CDH12: variants seen among roughly 807,000 people sequenced by gnomAD.
The protein encoded by CDH12 is cadherin 12.
Under a neutral mutation model 74.1 loss-of-function variants are expected in CDH12, and 41 were observed. The ratio of observed to expected loss-of-function variants is 0.55; its 90% CI spans 0.43 to 0.72. The LOEUF (loss-of-function observed/expected upper bound fraction) is 0.72. Ranked by LOEUF, CDH12 falls within the 30% of genes least tolerant of loss-of-function variation. The pLI is 0.00. For synonymous variants in CDH12, 399 were observed against 355.0 expected, an observed-to-expected ratio of 1.12 and a Z score of -1.39; for missense variants, 945 against 977.2, an observed-to-expected ratio of 0.97 and a Z score of 0.44.
intron 1 of CDH12, among the ~76,000 whole-genome samples, chr5:22,775,785 A>T (rs980289887): frequency 4.6e-5 from 7 of 152,044 alleles, no homozygotes; most frequent in Non-Finnish European, 8.8e-5. Context: ...ATATGGTTTG[A>T]CTGTGTCCCC....
intron 1 of CDH12, among the ~76,000 whole-genome samples, chr5:22,631,929 C>T (rs370427294): frequency 2.6e-5 from 4 of 152,028 alleles, no homozygotes; most frequent in East Asian, 3.9e-4. Context: ...GGATGTAACC[C>T]CACGATCCAA....
At chr5:22,200,373 G>C (rs1481937964) in intron 4 of CDH12, among the ~76,000 whole-genome samples, 2 of 152,126 alleles carry the variant, frequency 1.3e-5, no homozygotes, top group Non-Finnish European at 2.9e-5. Flanking sequence ...AAAGCTATAA[G>C]AGTGGTGCTT....
At chr5:22,165,313 C>T (rs999638099) in intron 4 of CDH12, among the ~76,000 whole-genome samples, 3 of 152,164 alleles carry the variant, frequency 2.0e-5, no homozygotes, top group African/African-American at 7.2e-5. Context: ...ACACTAGCCT[C>T]GTAGATGTTC....
At chr5:22,759,711 G>A (rs1400877311) in intron 1 of CDH12, among the ~76,000 whole-genome samples, 1 of 152,210 alleles carries the variant, frequency 6.6e-6, no homozygotes, top group African/African-American at 2.4e-5. Context: ...TCATGATGGT[G>A]TTATCCCACT....
intron 2 of CDH12, among the ~76,000 whole-genome samples, chr5:22,439,137 C>T (rs180865708): frequency 2.5e-3 from 386 of 151,786 alleles, no homozygotes; most frequent in African/African-American, 9.0e-3. Context: ...ATTATGACCT[C>T]CATTATTAAT....
chr5:21,983,482 G>A (rs1414870443), intron 5 of CDH12, among the ~76,000 whole-genome samples: 1 of 151,928 alleles, frequency 6.6e-6, no homozygotes, highest in African/African-American at 2.4e-5. Context: ...CACTGTCTCC[G>A]AGTATGTGTT....
intron 11 of CDH12, among the ~76,000 whole-genome samples, chr5:21,773,487 G>C (rs1185957787): frequency 6.6e-6 from 1 of 152,150 alleles, no homozygotes; most frequent in African/African-American, 2.4e-5. Flanking sequence ...TCGAACATCA[G>C]ACTCCAAGTT....
At chr5:21,811,422 T>C (rs1747736464) in intron 9 of CDH12, among the ~76,000 whole-genome samples, 2 of 152,176 alleles carry the variant, frequency 1.3e-5, no homozygotes, top group South Asian at 2.1e-4. Flanking sequence ...TATTTAGATT[T>C]TGAGTCCTTG....
At chr5:22,245,861 T>G (rs2150384030) in intron 3 of CDH12, among the ~76,000 whole-genome samples, 1 of 152,236 alleles carries the variant, frequency 6.6e-6, no homozygotes, top group South Asian at 2.1e-4. Context: ...CCAGCTTTAT[T>G]ACCCTCTTAT....
At chr5:22,027,135 GA>G (rs1337646395) in intron 5 of CDH12, among the ~76,000 whole-genome samples, 2 of 151,832 alleles carry the variant, frequency 1.3e-5, no homozygotes, top group Non-Finnish European at 2.9e-5. Flanking sequence ...TGCGTATATT[GA>G]ACCAGCCTTG....
intron 6 of CDH12, among the ~76,000 whole-genome samples, chr5:21,948,783 A>C (rs565445121): frequency 6.6e-6 from 1 of 152,262 alleles, no homozygotes; most frequent in East Asian, 1.9e-4. Context: ...CATAATACCC[A>C]TGTGTTGAGG....
At chr5:22,116,007 T>G (rs1394462864) in intron 4 of CDH12, among the ~76,000 whole-genome samples, 1 of 152,146 alleles carries the variant, frequency 6.6e-6, no homozygotes, top group Non-Finnish European at 1.5e-5. Flanking sequence ...GTGACTTTTA[T>G]CTCCTCATGT....
At chr5:22,366,584 G>C (rs1450448175) in intron 3 of CDH12, among the ~76,000 whole-genome samples, 1 of 152,064 alleles carries the variant, frequency 6.6e-6, no homozygotes, top group Non-Finnish European at 1.5e-5. Flanking sequence ...CTCTCGTTTT[G>C]AGACTTCAGA....
chr5:22,102,389 C>T, intron 4 of CDH12, among the ~76,000 whole-genome samples: 1 of 152,172 alleles, frequency 6.6e-6, no homozygotes, highest in East Asian at 1.9e-4. Flanking sequence ...AATCCCCTGG[C>T]AGGGCACGGT....
intron 1 of CDH12, among the ~76,000 whole-genome samples, chr5:22,607,712 C>T (rs116366400): frequency 4.9e-4 from 75 of 151,924 alleles, no homozygotes; most frequent in African/African-American, 1.7e-3. Context: ...TGGGCTGGGC[C>T]CAGGACCTTC....
chr5:22,614,191 G>A (rs996099207), intron 1 of CDH12, among the ~76,000 whole-genome samples: 1 of 152,074 alleles, frequency 6.6e-6, no homozygotes, highest in African/African-American at 2.4e-5. Flanking sequence ...ACATATCTAT[G>A]ATAAACCAAG....
chr5:21,899,751 A>C (rs1043905755), intron 6 of CDH12, among the ~76,000 whole-genome samples: 4 of 151,860 alleles, frequency 2.6e-5, no homozygotes, highest in Admixed American at 6.6e-5. Flanking sequence ...AGTAATAACA[A>C]TTATTAATAT....
At chr5:22,227,130 A>T (rs1230189277) in intron 3 of CDH12, among the ~76,000 whole-genome samples, 1 of 152,150 alleles carries the variant, frequency 6.6e-6, no homozygotes, top group Non-Finnish European at 1.5e-5. Context: ...GGAAATTATG[A>T]TAATATAGAA....
At chr5:22,508,403 T>C (rs1736480422) in intron 1 of CDH12, among the ~76,000 whole-genome samples, 1 of 152,150 alleles carries the variant, frequency 6.6e-6, no homozygotes, top group Admixed American at 6.6e-5. Flanking sequence ...CCCCAAAACA[T>C]GTTTCTTTGC....
Sources: gnomAD v4.1 joint callset for allele counts (sites outside exome capture counted in the v4.1 genomes callset) on GRCh38, gnomAD v4.1.1 for gene constraint, MANE v1.5 for transcripts, NCBI Gene and HGNC (gene_info 2026-07-23, HGNC 2026-07-21) for gene names.